Variants in MBD3 observed in about 807,000 individuals in gnomAD.
MBD3 encodes methyl-CpG-binding domain protein 3.
MBD3 carries 13 observed loss-of-function variants against 31.2 expected under a neutral mutation model. The ratio of observed to expected loss-of-function variants is 0.42; its 90% CI spans 0.27 to 0.66. The LOEUF (loss-of-function observed/expected upper bound fraction) is 0.66. Ranked by LOEUF, MBD3 falls within the 30% of genes least tolerant of loss-of-function variation. The pLI, the probability that MBD3 is intolerant of heterozygous loss-of-function variation, is 0.26. For synonymous variants in MBD3, 223 were observed against 187.4 expected (o/e 1.19, Z -1.55); for missense variants, 440 against 426.5 (o/e 1.03, Z -0.28).
At position 1,576,232 on chromosome 19, in the gene MBD3, A is replaced by C. The variant is rs984176846; in HGVS notation, c.*1932T>G. On this transcript the variant is annotated 3_prime_UTR_variant, in exon 7 of 7. Coordinates refer to ENST00000434436, the MANE Select transcript of MBD3 (RefSeq NM_001281453.2). ...GGGTGGCCTCCCAGCCTTCAGGTCC[A>C]GAAAGCAGCTTCCAGTGGCCATGGC... The C allele has an allele frequency of 6.6e-6, 1 of 152,434 alleles. No individual in the cohort carries two copies. Among genetic ancestry groups the C allele is most frequent in the Admixed American group, 6.5e-5 (1 of 15,284 alleles). 9.4% of individuals were successfully genotyped at this position (152,434 alleles called of 1,614,324 possible). A position where few individuals can be genotyped will look rare whatever the true frequency, so the allele number is the denominator to read the frequency against.
intron 3 of MBD3, among the ~76,000 whole-genome samples, 168 bp downstream of exon 3, chr19:1,584,372 A>C (rs1370807943): frequency 6.6e-6 from 1 of 152,110 alleles, no homozygotes; most frequent in East Asian, 1.9e-4. Context: ...GGGCGCCACC[A>C]CGTCCAGCTA....
At chr19:1,584,866 C>G in intron 2 of MBD3, 189 bp from the exon 3 acceptor site, 1 of 1,007,700 alleles carries the variant, frequency 9.9e-7, no homozygotes. Flanking sequence ...ACGCCCGCCG[C>G]GGGCCGCGTC....
rs1917272170 is a variant in MBD3, at chr19:1,578,585, G to A, written c.678-47C>T. 1.2e-6 allele frequency: 2 copies of A among 1,607,458 alleles called. No individual in the cohort carries two copies. The highest frequency in any genetic ancestry group is 1.7e-6 in the Non-Finnish European group (2 of 1,179,858). ...GTTACACCAAGGTGAGCGGCCAGCA[G>A]GACATGGACACAGGATGAACGTGGG... is the stretch of plus-strand genomic sequence containing the variant. On this transcript the variant is annotated intron_variant, in intron 5 of 6. Transcript: ENST00000434436. This position sits in a 1 kb window ranked among gnomAD's most constrained non-coding sequence, Gnocchi z 6.1.
Position 1,573,939 on chromosome 19 carries a change from T to C in MBD3, c.*4225A>G, listed in dbSNP as rs1394157733. 1 of 150,888 alleles carries C rather than the reference T, an allele frequency of 6.6e-6. No individual in the cohort carries two copies. The highest frequency in any genetic ancestry group is 1.5e-5 in the Non-Finnish European group (1 of 67,774). 9.3% of individuals were successfully genotyped at this position (150,888 alleles called of 1,614,324 possible). A position where few individuals can be genotyped will look rare whatever the true frequency, so the allele number is the denominator to read the frequency against. ...ATCTATTGAACCCGGGAGGAGGAGG[T>C]TGCGGTGAGCCAAGTTTGCACCATT... is the stretch of plus-strand genomic sequence containing the variant. On this transcript the variant is annotated 3_prime_UTR_variant, in exon 7 of 7. Coordinates refer to ENST00000434436, the MANE Select transcript of MBD3 (RefSeq NM_001281453.2).
intron 1 of MBD3, among the ~76,000 whole-genome samples, chr19:1,587,688 G>T (rs1190121502): frequency 6.6e-6 from 1 of 152,206 alleles, no homozygotes; most frequent in African/African-American, 2.4e-5. Flanking sequence ...GGGATTATAG[G>T]CGGCAGCCAC....
At chr19:1,589,000 CTGTAT>C (rs777520498) in intron 1 of MBD3, among the ~76,000 whole-genome samples, 13 of 152,086 alleles carry the variant, frequency 8.5e-5, no homozygotes, top group Non-Finnish European at 1.3e-4. Context: ...CTTTAAATGA[CTGTAT>C]TGTATGGTAC....
At chr19:1,590,674 T>C (rs1439981956) in intron 1 of MBD3, among the ~76,000 whole-genome samples, 3 of 152,186 alleles carry the variant, frequency 2.0e-5, no homozygotes, top group African/African-American at 7.2e-5. Context: ...TAAATAAAGG[T>C]TATGCCCATC....
Position 1,592,545 on chromosome 19 carries a change from GC to G in MBD3, c.86del (p.Gly29AlafsTer31). 7.0e-7 allele frequency: 1 copy of G among 1,438,842 alleles called. No homozygotes were observed. Among genetic ancestry groups the G allele is most frequent in the East Asian group, 3.5e-5 (1 of 28,960 alleles). 89.1% of individuals were successfully genotyped at this position (1,438,842 alleles called of 1,614,324 possible). On this transcript the variant is annotated frameshift_variant, in exon 1 of 7. Coordinates refer to ENST00000434436, the MANE Select transcript of MBD3 (RefSeq NM_001281453.2). LOFTEE classifies it high-confidence loss of function. Reference protein sequence around the residue: ...EVPRRSGLSAGHRDVFYYSPS... With the variant: ...EVPRRSGLSAXHRDVFYYSPS... ...ACCTATAGTAAAAGACATCCCTGTG[GC>G]CGGCCGACAGCCCCGACCTTCTGGG...
rs924176005 is a variant in MBD3, at chr19:1,592,847, G to A, written c.-216C>T. On this transcript the variant is annotated 5_prime_UTR_variant, in exon 1 of 7. Transcript: ENST00000434436. ...CCGCGCTCGCCAGCCCCCGCTCGGG[G>A]GGCCCGCTCCGCCCACCCGCCCGCG... is the stretch of plus-strand genomic sequence containing the variant. 1 of 147,174 alleles carries A rather than the reference G, an allele frequency of 6.8e-6. No individual in the cohort carries two copies. Among genetic ancestry groups the A allele is most frequent in the Non-Finnish European group, 1.5e-5 (1 of 65,930 alleles). The allele number at this position is 147,174 out of a possible 1,614,324, so 9.1% of individuals were successfully genotyped here.
chr19:1,591,283 T>C (rs1469379543), intron 1 of MBD3, among the ~76,000 whole-genome samples: 3 of 152,234 alleles, frequency 2.0e-5, no homozygotes, highest in Non-Finnish European at 4.4e-5. Context: ...CCTCTCTTGC[T>C]GTCCTCCAAC....
intron 5 of MBD3, 61 bp downstream of exon 5, chr19:1,581,031 C>CA: frequency 6.3e-7 from 1 of 1,589,856 alleles, no homozygotes; most frequent in African/African-American, 1.3e-5. Flanking sequence ...CGGGGACACT[C>CA]AGGGTCCCCA....
In MBD3 at chr19:1,584,871, C is replaced by T. The variant is rs759756273; in HGVS notation, c.270+184G>A. Reference sequence around the variant, plus strand: ...CGGCTCTGGAACGCCCGCCGCGGGCCGCGTCCTCGCCATGCGCCTTGCGCT... The same window carrying T: ...CGGCTCTGGAACGCCCGCCGCGGGCTGCGTCCTCGCCATGCGCCTTGCGCT... On this transcript the variant is annotated intron_variant, in intron 2 of 6. Coordinates refer to ENST00000434436, the MANE Select transcript of MBD3 (RefSeq NM_001281453.2). 4 of 1,024,808 alleles carry T rather than the reference C, an allele frequency of 3.9e-6. No individual in the cohort carries two copies. In the East Asian group the frequency reaches 9.4e-5, roughly 24 times the overall value. The allele number at this position is 1,024,808 out of a possible 1,614,324, so 63.5% of individuals were successfully genotyped here.
chr19:1,585,524 G>C lies in MBD3; in HGVS notation c.111-310C>G. On this transcript the variant is annotated intron_variant, in intron 1 of 6. Transcript: ENST00000434436. The surrounding 1 kb of genome is among the most constrained non-coding windows in gnomAD (Gnocchi z 4.1). The stretch of plus-strand genomic sequence containing the variant: ...GGCCCTAGCCCCAGCCTCCACATCG[G>C]ATCCTTGCTCCAGACCCCCAACCCC... The C allele has an allele frequency of 7.3e-6, 3 of 409,452 alleles. No homozygotes were observed. The highest frequency in any genetic ancestry group is 1.4e-5 in the Non-Finnish European group (3 of 218,722). 25.4% of individuals were successfully genotyped at this position (409,452 alleles called of 1,614,324 possible). A position where few individuals can be genotyped will look rare whatever the true frequency, so the allele number is the denominator to read the frequency against.
rs755052894 is a variant in MBD3 at position 1,584,681 on chromosome 19, C to A, written c.271-4G>T. Reference sequence around the variant, plus strand: ...CCGTGTTCAGGTCGGGCTTGCCCTGCGGGAGGAAGGATATGCAGTCCGGCC... The same window carrying A: ...CCGTGTTCAGGTCGGGCTTGCCCTGAGGGAGGAAGGATATGCAGTCCGGCC... On this transcript the variant is annotated splice_region_variant and splice_polypyrimidine_tract_variant and intron_variant, in intron 2 of 6. Coordinates refer to ENST00000434436, the MANE Select transcript of MBD3 (RefSeq NM_001281453.2). The A allele has an allele frequency of 8.7e-6, 14 of 1,610,202 alleles. No individual in the cohort carries two copies. In the South Asian group the frequency reaches 1.4e-4, roughly 16 times the overall value.
Position 1,585,274 on chromosome 19 carries a change from CG to C in MBD3, c.111-61del. On this transcript the variant is annotated intron_variant, in intron 1 of 6. Coordinates refer to ENST00000434436, the MANE Select transcript of MBD3 (RefSeq NM_001281453.2). The surrounding 1 kb of genome is among the most constrained non-coding windows in gnomAD (Gnocchi z 4.1). ...GACCCCAGACCCCAAACCCAGGCCT[CG>C]GCCGCAGACCCAAACCCAGTCCCAG... The C allele has an allele frequency of 6.6e-7, 1 of 1,519,564 alleles. No homozygotes were observed. Among genetic ancestry groups the C allele is most frequent in the Non-Finnish European group, 8.8e-7 (1 of 1,135,348 alleles). 94.1% of individuals were successfully genotyped at this position (1,519,564 alleles called of 1,614,324 possible).
At chr19:1,591,901 G>C (rs1179457529) in intron 1 of MBD3, 1 of 152,128 alleles carries the variant, frequency 6.6e-6, no homozygotes, top group South Asian at 2.1e-4. Context: ...GGTGGGCTCG[G>C]AAAGTCGAAA....
In MBD3 at chr19:1,585,356, ACCCAGGCAGGCCCTGGCCCCAGC is replaced by A. The variant is rs1568276542; in HGVS notation, c.111-165_111-143del. On this transcript the variant is annotated intron_variant, in intron 1 of 6. Transcript: ENST00000434436. This position sits in a 1 kb window ranked among gnomAD's most constrained non-coding sequence, Gnocchi z 4.1. ...GACCCCAACACGGCCCTGACCCCAA[ACCCAGGCAGGCCCTGGCCCCAGC>A]CCCAGACCCCAACCCTGGCGTGACC... is the stretch of plus-strand genomic sequence containing the variant. The A allele has an allele frequency of 1.1e-6, 1 of 894,042 alleles. No individual in the cohort carries two copies. Among genetic ancestry groups the A allele is most frequent in the Non-Finnish European group, 1.7e-6 (1 of 596,238 alleles). 55.4% of individuals were successfully genotyped at this position (894,042 alleles called of 1,614,324 possible).
Position 1,581,137 on chromosome 19 carries a change from G to A in MBD3, c.632C>T (p.Thr211Met), listed in dbSNP as rs757544695. ...CATGAAGGCTTTGCACAGGGGCTGC[G>A]TGGTGTTGAGCCATACGCCGGGGTT... is the stretch of plus-strand genomic sequence containing the variant. ...EKNPGVWLNT[T>M]QPLCKAFMVT... is the part of the protein sequence containing the mutation. The change falls in exon 5 of 7, where the codon ACG becomes ATG. Residue 211 changes from threonine to methionine, a missense_variant. Transcript: ENST00000434436. The A allele has an allele frequency of 2.5e-6, 4 of 1,614,180 alleles. No individual in the cohort carries two copies. Among genetic ancestry groups the A allele is most frequent in the South Asian group, 1.1e-5 (1 of 91,086 alleles).
chr19:1,590,857 C>G (rs1228114007), intron 1 of MBD3, among the ~76,000 whole-genome samples: 1 of 152,158 alleles, frequency 6.6e-6, no homozygotes, highest in Non-Finnish European at 1.5e-5. Flanking sequence ...GGGTTGAGGC[C>G]CCAGACCTGC....
Sources: allele counts gnomAD v4.1 joint callset (sites outside exome capture counted in the v4.1 genomes callset), GRCh38; gene constraint gnomAD v4.1.1; non-coding constraint Gnocchi (gnomAD v3.1); transcripts MANE v1.5; gene names NCBI Gene and HGNC (gene_info 2026-07-23, HGNC 2026-07-21).